The following PAQR5 variants were observed in gnomAD, a reference collection of about 807,000 sequenced individuals.
The protein encoded by PAQR5 is membrane progestin receptor gamma.
A neutral mutation model predicts 34.5 loss-of-function variants in PAQR5; 20 were observed. The observed-to-expected ratio is 0.58, with a 90% CI of 0.41 to 0.84. PAQR5 has a LOEUF of 0.84. PAQR5 is among the 40% of genes least tolerant of loss of function. The pLI, the probability that PAQR5 is intolerant of heterozygous loss-of-function variation, is 0.00. For synonymous variants in PAQR5, 131 were observed against 155.6 expected, an observed-to-expected ratio of 0.84 and a Z score of 1.18; for missense variants, 378 against 412.7, an observed-to-expected ratio of 0.92 and a Z score of 0.73.
chr15:69,375,779 T>G (rs2055689533), intron 3 of PAQR5, among the ~76,000 whole-genome samples: 1 of 152,198 alleles, frequency 6.6e-6, no homozygotes, highest in Non-Finnish European at 1.5e-5. Flanking sequence ...GAGGATTCCG[T>G]GAGCAGGAAT....
At chr15:69,395,782 G>C (rs1214562307) in intron 6 of PAQR5, among the ~76,000 whole-genome samples, 3 of 152,048 alleles carry the variant, frequency 2.0e-5, no homozygotes, top group Admixed American at 6.6e-5. Flanking sequence ...TTCTTTTTCG[G>C]GGGGGATGAT....
At chr15:69,306,355 ATTTAACC>A (rs1369002379) in intron 1 of PAQR5, among the ~76,000 whole-genome samples, 2 of 148,184 alleles carry the variant, frequency 1.3e-5, no homozygotes, top group East Asian at 2.0e-4. Context: ...TTTTTTTACC[ATTTAACC>A]TTTAACCTTT....
intron 1 of PAQR5, among the ~76,000 whole-genome samples, chr15:69,313,739 C>T (rs1041888236): frequency 6.6e-6 from 1 of 152,084 alleles, no homozygotes; most frequent in Non-Finnish European, 1.5e-5. Flanking sequence ...TCAGGGTGGC[C>T]AGTGGATGGC....
At chr15:69,389,811 G>A (rs367775126) in intron 6 of PAQR5, 31 bp downstream of exon 6, 200 of 1,612,226 alleles carry the variant, frequency 1.2e-4, no homozygotes, top group Non-Finnish European at 1.7e-4. Flanking sequence ...AGATGGGAGG[G>A]GAGGGAGGGT....
At chr15:69,305,228 T>C (rs982835589) in intron 1 of PAQR5, among the ~76,000 whole-genome samples, 1 of 152,300 alleles carries the variant, frequency 6.6e-6, no homozygotes, top group Admixed American at 6.5e-5. Context: ...CAACCAAAAC[T>C]GTCTCCAGAC....
rs918414853 is a variant in PAQR5, at chr15:69,385,972, TACAC to T, written c.385+1099_385+1102del. ...CACTCACATGCACACTCTCAAACAC[TACAC>T]ACACACACCACCCATACTGACACAC... On this transcript the variant is annotated intron_variant, in intron 5 of 8. Coordinates refer to ENST00000395407, the MANE Select transcript of PAQR5 (RefSeq NM_017705.4). This position sits in a 1 kb window ranked among gnomAD's most constrained non-coding sequence, Gnocchi z 4.7. Among the ~76,000 whole-genome samples, 5 of 143,350 alleles carry T rather than the reference TACAC, an allele frequency of 3.5e-5. No homozygotes were observed. Among genetic ancestry groups the T allele is most frequent in the African/African-American group, 1.3e-4 (5 of 38,064 alleles). 94.0% of individuals were successfully genotyped at this position (143,350 alleles called of 152,430 possible).
At chr15:69,400,776 G>A (rs2056603018) in intron 8 of PAQR5, among the ~76,000 whole-genome samples, 1 of 152,160 alleles carries the variant, frequency 6.6e-6, no homozygotes, top group Non-Finnish European at 1.5e-5. Flanking sequence ...TGCAGAAAAG[G>A]GAAAAGGGGA....
At chr15:69,333,493 C>T (rs543400718) in intron 1 of PAQR5, among the ~76,000 whole-genome samples, 7 of 152,228 alleles carry the variant, frequency 4.6e-5, no homozygotes, top group East Asian at 3.9e-4. Context: ...CGCATGCTCT[C>T]GGCCACCTGG....
In PAQR5 at chr15:69,404,590, A is replaced by C. The variant is rs576695149; in HGVS notation, c.*768A>C. ...CAGTGCAGGTAAAATGTGTTAAACC[A>C]TAAGAGTTGACTGAGTTAATCCCAA... On this transcript the variant is annotated 3_prime_UTR_variant, in exon 9 of 9. Transcript: ENST00000395407. The C allele has an allele frequency of 1.1e-4, 21 of 197,600 alleles. No individual in the cohort carries two copies. In the South Asian group the frequency reaches 3.8e-3, roughly 36 times the overall value. The allele number at this position is 197,600 out of a possible 1,614,324, so 12.2% of individuals were successfully genotyped here.
intron 4 of PAQR5, among the ~76,000 whole-genome samples, chr15:69,382,703 T>G: frequency 8.0e-6 from 1 of 124,410 alleles, no homozygotes; most frequent in Non-Finnish European, 1.7e-5. Context: ...TATATATATA[T>G]ATGTATGTAT....
At chr15:69,333,517 G>A (rs1818152) in intron 1 of PAQR5, among the ~76,000 whole-genome samples, 121,827 of 152,038 alleles carry the variant, frequency 0.8, 49,002 homozygotes, top group East Asian at 0.9. Context: ...ATAAGGAGGC[G>A]TCCCCACCCC....
At chr15:69,305,090 T>C (rs1179938834) in intron 1 of PAQR5, among the ~76,000 whole-genome samples, 1 of 152,208 alleles carries the variant, frequency 6.6e-6, no homozygotes, top group African/African-American at 2.4e-5. Context: ...TGACTTTCGG[T>C]ACCGGATAAT....
intron 1 of PAQR5, among the ~76,000 whole-genome samples, chr15:69,333,339 T>C (rs2054433096): frequency 6.6e-6 from 1 of 152,214 alleles, no homozygotes; most frequent in Non-Finnish European, 1.5e-5. Context: ...CTGTGTTATC[T>C]GACAGTTTTG....
At chr15:69,355,208 T>C (rs1172038261) in intron 2 of PAQR5, among the ~76,000 whole-genome samples, 4 of 152,156 alleles carry the variant, frequency 2.6e-5, no homozygotes, top group Admixed American at 6.5e-5. Context: ...TCTACCTACC[T>C]ATCTACCTAT....
At chr15:69,320,215 G>A (rs1160905093) in intron 1 of PAQR5, among the ~76,000 whole-genome samples, 6 of 152,242 alleles carry the variant, frequency 3.9e-5, no homozygotes, top group Non-Finnish European at 8.8e-5. Context: ...GAGCCAGAAC[G>A]ATCCCAGGCT....
chr15:69,401,201 A>G (rs1477181502), intron 8 of PAQR5, among the ~76,000 whole-genome samples: 1 of 152,016 alleles, frequency 6.6e-6, no homozygotes, highest in African/African-American at 2.4e-5. Context: ...GGCTGACAAG[A>G]CTTTGGGGTG....
intron 1 of PAQR5, among the ~76,000 whole-genome samples, chr15:69,312,067 G>A (rs928493670): frequency 2.7e-4 from 41 of 152,144 alleles, no homozygotes; most frequent in Non-Finnish European, 7.3e-5. Context: ...ATGAGGAGAT[G>A]CGTTGTAGTG....
At chr15:69,308,533 T>C (rs1245029744) in intron 1 of PAQR5, among the ~76,000 whole-genome samples, 1 of 152,092 alleles carries the variant, frequency 6.6e-6, no homozygotes, top group Non-Finnish European at 1.5e-5. Flanking sequence ...ATGCAACAGA[T>C]GCCAGTAGCC....
At chr15:69,337,715 G>T (rs2054542541) in intron 2 of PAQR5, among the ~76,000 whole-genome samples, 1 of 146,554 alleles carries the variant, frequency 6.8e-6, no homozygotes, top group African/African-American at 2.5e-5. Context: ...TATTCTTGCT[G>T]CACTTTATGC....
Sources: gnomAD v4.1 joint callset for allele counts (sites outside exome capture counted in the v4.1 genomes callset) on GRCh38, gnomAD v4.1.1 for gene constraint, Gnocchi (gnomAD v3.1) non-coding constraint, MANE v1.5 for transcripts, NCBI Gene and HGNC (gene_info 2026-07-23, HGNC 2026-07-21) for gene names.